Variants in SNTG2 observed in about 807,000 individuals in gnomAD.
The protein encoded by SNTG2 is syntrophin gamma 2.
SNTG2 carries 74 observed loss-of-function variants against 70.9 expected under a neutral mutation model. That is an observed-to-expected ratio of 1.04 (90% confidence interval 0.86 to 1.27). The LOEUF is 1.27. Ranked by LOEUF, SNTG2 falls within the 50% of genes most tolerant of loss-of-function variation. The pLI, the probability that SNTG2 is intolerant of heterozygous loss-of-function variation, is 0.00. For missense variants in SNTG2, 717 were observed against 690.7 expected, an observed-to-expected ratio of 1.04 and a Z score of -0.43; for synonymous variants, 278 against 273.8, an observed-to-expected ratio of 1.02 and a Z score of -0.15.
chr2:1,113,730 A>T (rs1466088483), intron 4 of SNTG2, among the ~76,000 whole-genome samples: 2 of 149,346 alleles, frequency 1.3e-5, no homozygotes, highest in Non-Finnish European at 3.0e-5. Context: ...ATTAACCCTT[A>T]TAGTCCTTTG....
At chr2:1,088,595 A>C (rs1664826571) in intron 2 of SNTG2, among the ~76,000 whole-genome samples, 1 of 152,268 alleles carries the variant, frequency 6.6e-6, no homozygotes, top group Non-Finnish European at 1.5e-5. Context: ...GAAAACAGAA[A>C]GCAAAACAAC....
chr2:1,250,812 C>T (rs752419985), intron 12 of SNTG2, among the ~76,000 whole-genome samples: 2 of 152,220 alleles, frequency 1.3e-5, no homozygotes, highest in Non-Finnish European at 2.9e-5. Context: ...TCCAGTCCCT[C>T]AGAGACAGTT....
chr2:1,167,370 C>T (rs916713421), intron 7 of SNTG2, among the ~76,000 whole-genome samples: 4 of 149,700 alleles, frequency 2.7e-5, no homozygotes, highest in African/African-American at 4.9e-5. Flanking sequence ...AGGCCGCCCA[C>T]GGATGGCAGA....
chr2:1,059,548 T>C (rs1662679929), intron 1 of SNTG2, among the ~76,000 whole-genome samples: 1 of 152,188 alleles, frequency 6.6e-6, no homozygotes, highest in Non-Finnish European at 1.5e-5. Context: ...CTTTAATCTT[T>C]TGGATACGTA....
intron 1 of SNTG2, among the ~76,000 whole-genome samples, chr2:972,348 G>T (rs191626615): frequency 2.0e-5 from 3 of 152,156 alleles, no homozygotes; most frequent in Non-Finnish European, 4.4e-5. Context: ...GCATAGTTAA[G>T]TCTCCTTGAT....
intron 4 of SNTG2, among the ~76,000 whole-genome samples, chr2:1,125,329 T>G (rs1181190634): frequency 6.6e-6 from 1 of 152,218 alleles, no homozygotes. Context: ...AGAGATTTTT[T>G]GTCCTTTTTT....
chr2:1,022,679 A>G (rs979710314), intron 1 of SNTG2, among the ~76,000 whole-genome samples: 42 of 152,062 alleles, frequency 2.8e-4, no homozygotes, highest in Non-Finnish European at 1.0e-4. Flanking sequence ...TGCCTAGTAC[A>G]TGGCAAGTGA....
intron 8 of SNTG2, among the ~76,000 whole-genome samples, chr2:1,191,744 G>A (rs1260339785): frequency 3.3e-5 from 5 of 152,110 alleles, no homozygotes; most frequent in South Asian, 2.1e-4. Context: ...GCAGTGAGCC[G>A]ACATCGTGCC....
chr2:1,311,922 G>A (rs956381450), intron 15 of SNTG2, among the ~76,000 whole-genome samples: 11 of 152,120 alleles, frequency 7.2e-5, no homozygotes, highest in African/African-American at 1.4e-4. Context: ...CCAAACTCTT[G>A]CAAGGAAAGA....
At chr2:1,293,597 C>T (rs1037431293) in intron 14 of SNTG2, among the ~76,000 whole-genome samples, 5 of 151,678 alleles carry the variant, frequency 3.3e-5, no homozygotes, top group African/African-American at 1.2e-4. Flanking sequence ...TGATTTCTTC[C>T]TTGACCCATT....
intron 16 of SNTG2, among the ~76,000 whole-genome samples, chr2:1,320,553 GAAAGAAAA>G (rs1485250111): frequency 8.3e-5 from 11 of 131,874 alleles, no homozygotes; most frequent in Non-Finnish European, 1.6e-4. Flanking sequence ...AAAAAAAAAA[GAAAGAAAA>G]AAAGAAAAGA....
intron 16 of SNTG2, among the ~76,000 whole-genome samples, chr2:1,317,579 G>C (rs1264934572): frequency 5.6e-4 from 32 of 56,804 alleles, no homozygotes; most frequent in East Asian, 1.3e-3. Flanking sequence ...CATGTAGCAT[G>C]AGGCCAGCAT....
intron 1 of SNTG2, among the ~76,000 whole-genome samples, chr2:984,670 G>C (rs564937701): frequency 1.3e-5 from 2 of 152,240 alleles, no homozygotes; most frequent in South Asian, 2.1e-4. Flanking sequence ...GGCACATCCT[G>C]CCATCATCAG....
chr2:1,308,877 TG>T (rs1247351516), intron 15 of SNTG2, among the ~76,000 whole-genome samples: 2 of 151,966 alleles, frequency 1.3e-5, no homozygotes, highest in African/African-American at 4.8e-5. Flanking sequence ...GTAAACGCTT[TG>T]AAAAAAAACA....
At chr2:1,070,689 C>T (rs534655194) in intron 1 of SNTG2, among the ~76,000 whole-genome samples, 3 of 152,264 alleles carry the variant, frequency 2.0e-5, no homozygotes, top group South Asian at 2.1e-4. Context: ...TCACAATAGC[C>T]GCACGTTGAG....
intron 1 of SNTG2, among the ~76,000 whole-genome samples, chr2:1,000,888 C>A (rs1010173236): frequency 6.6e-6 from 1 of 151,856 alleles, no homozygotes; most frequent in Non-Finnish European, 1.5e-5. Flanking sequence ...CAAATAAAAT[C>A]CAGCAGCATG....
chr2:1,351,335 G>A (rs1477464565), intron 16 of SNTG2, among the ~76,000 whole-genome samples: 1 of 152,076 alleles, frequency 6.6e-6, no homozygotes, highest in African/African-American at 2.4e-5. Flanking sequence ...TAACCTTCTG[G>A]CAAGATAATA....
chr2:1,265,423 T>TAC (rs543583702), intron 13 of SNTG2, among the ~76,000 whole-genome samples: 2 of 152,164 alleles, frequency 1.3e-5, no homozygotes, highest in African/African-American at 2.4e-5. Context: ...TGTGCACACA[T>TAC]ACACACACAC....
At chr2:970,496 C>T (rs1660702673) in intron 1 of SNTG2, among the ~76,000 whole-genome samples, 2 of 146,136 alleles carry the variant, frequency 1.4e-5, no homozygotes, top group South Asian at 4.5e-4. Flanking sequence ...TCAATTCCCA[C>T]CTATGAGTGA....
Sources: gnomAD v4.1 joint callset for allele counts (sites outside exome capture counted in the v4.1 genomes callset) on GRCh38, gnomAD v4.1.1 for gene constraint, MANE v1.5 for transcripts, NCBI Gene and HGNC (gene_info 2026-07-23, HGNC 2026-07-21) for gene names.